Variants in DMD observed in about 807,000 individuals in gnomAD.
The protein encoded by DMD is dystrophin.
A neutral mutation model predicts 330.1 loss-of-function variants in DMD; 63 were observed. The ratio of observed to expected loss-of-function variants is 0.19; its 90% CI spans 0.16 to 0.24. The LOEUF (loss-of-function observed/expected upper bound fraction) is 0.24. Ranked by LOEUF, DMD falls within the 10% of genes least tolerant of loss-of-function variation. The probability of loss-of-function intolerance (pLI) is 1.00; values close to 1 mark genes in which losing one functional copy is unlikely to be tolerated. For missense variants in DMD, 3,344 were observed against 2,684.1 expected (o/e 1.25, Z -5.43); for synonymous variants, 1,223 against 959.8 (o/e 1.27, Z -5.07).
At chrX:31,622,281 G>A (rs777866297) in intron 55 of DMD, among the ~76,000 whole-genome samples, 2 of 110,192 alleles carry the variant, frequency 1.8e-5, no homozygotes, top group African/African-American at 6.6e-5. Flanking sequence ...AAGTGATCCA[G>A]TATTTCCACA....
intron 12 of DMD, among the ~76,000 whole-genome samples, chrX:32,600,149 G>A (rs1293230948): frequency 8.1e-5 from 9 of 111,518 alleles, no homozygotes; most frequent in Non-Finnish European, 1.7e-4. Flanking sequence ...AATTCTTCTG[G>A]CTCTTGTCCA....
intron 60 of DMD, among the ~76,000 whole-genome samples, chrX:31,394,067 G>A (rs2060806248): frequency 8.9e-6 from 1 of 112,404 alleles, no homozygotes; most frequent in South Asian, 3.6e-4. Context: ...TTATTCTAAA[G>A]CTATGTCAAT....
chrX:33,044,388 C>A (rs762428831), intron 1 of DMD, among the ~76,000 whole-genome samples: 149 of 111,509 alleles, frequency 1.3e-3, no homozygotes, highest in African/African-American at 4.7e-3. Flanking sequence ...GCTGAGATCG[C>A]ACCACTGTAC....
intron 44 of DMD, among the ~76,000 whole-genome samples, chrX:31,980,360 A>C (rs1354675155): frequency 8.9e-6 from 1 of 112,303 alleles, no homozygotes; most frequent in Non-Finnish European, 1.9e-5. Context: ...TTAATCATCA[A>C]TAAAGGAATG....
rs964440210 is a variant in DMD, at chrX:31,244,838, T to C, written c.9286+16117A>G. ...ACTTCACCTTCTAAAATTTCTAGAA[T>C]GAACATCCATGTTTTAATGTTCAAT... On this transcript the variant is annotated intron_variant, in intron 63 of 78. Transcript: ENST00000357033. 2.7e-5 allele frequency among the ~76,000 whole-genome samples: 3 copies of C among 112,123 alleles called. No homozygotes were observed. The East Asian group carries it at 8.3e-4, about 31-fold the overall frequency.
intron 47 of DMD, among the ~76,000 whole-genome samples, chrX:31,880,752 C>T (rs3958510): frequency 8.9e-6 from 1 of 112,310 alleles, no homozygotes; most frequent in Non-Finnish European, 1.9e-5. Flanking sequence ...CAATGAATTA[C>T]TCTCACGTTT....
chrX:31,609,661 T>C (rs377379372), intron 55 of DMD, among the ~76,000 whole-genome samples: 175 of 112,183 alleles, frequency 1.6e-3, no homozygotes, highest in African/African-American at 5.3e-3. Flanking sequence ...CTTAAAAACC[T>C]GCTCAGAGGG....
intron 2 of DMD, among the ~76,000 whole-genome samples, chrX:32,892,802 G>A (rs1256811230): frequency 3.6e-5 from 4 of 111,858 alleles, no homozygotes; most frequent in African/African-American, 9.7e-5. Flanking sequence ...AGGCCTACAC[G>A]CTTGGCACAT....
chrX:31,706,722 T>C (rs1056130863), intron 52 of DMD, among the ~76,000 whole-genome samples: 5 of 112,397 alleles, frequency 4.4e-5, no homozygotes, highest in African/African-American at 1.6e-4. Flanking sequence ...ATGATAAGAA[T>C]GCTCCTATGG....
At chrX:31,760,813 G>A (rs949372684) in intron 51 of DMD, among the ~76,000 whole-genome samples, 2 of 110,232 alleles carry the variant, frequency 1.8e-5, no homozygotes, top group Non-Finnish European at 3.8e-5. Context: ...TTGCATGTAC[G>A]ATAATAACAG....
At chrX:31,325,815 G>A (rs1483376590) in intron 61 of DMD, among the ~76,000 whole-genome samples, 1 of 111,690 alleles carries the variant, frequency 9.0e-6, no homozygotes, top group Non-Finnish European at 1.9e-5. Flanking sequence ...GAACTCCAGA[G>A]AGCTCTTGGT....
chrX:31,422,099 G>A (rs906749468), intron 60 of DMD, among the ~76,000 whole-genome samples: 1 of 100,862 alleles, frequency 9.9e-6, no homozygotes, highest in Non-Finnish European at 2.0e-5. Flanking sequence ...CCCAGGCTCC[G>A]GGTTCAAGCA....
At chrX:31,373,348 G>A (rs1225276153) in intron 60 of DMD, among the ~76,000 whole-genome samples, 1 of 99,337 alleles carries the variant, frequency 1.0e-5, no homozygotes, top group African/African-American at 3.5e-5. Flanking sequence ...CCAAAAAAGA[G>A]CCCGCATCGC....
intron 16 of DMD, among the ~76,000 whole-genome samples, chrX:32,545,542 A>G (rs989423891): frequency 5.4e-5 from 6 of 112,086 alleles, no homozygotes. Flanking sequence ...AAGTAATCTC[A>G]ACATCGAAAG....
At chrX:32,191,464 T>C (rs922864368) in intron 44 of DMD, among the ~76,000 whole-genome samples, 1 of 111,954 alleles carries the variant, frequency 8.9e-6, no homozygotes, top group East Asian at 2.8e-4. Context: ...ACAGCGAGAA[T>C]AAGGGGATAA....
intron 47 of DMD, among the ~76,000 whole-genome samples, chrX:31,907,439 C>T (rs1214296377): frequency 9.0e-6 from 1 of 111,388 alleles, no homozygotes; most frequent in Admixed American, 9.6e-5. Flanking sequence ...CTTTGACAAA[C>T]CTGACAAAAA....
In DMD at chrX:32,722,797, T is replaced by A. The variant is rs772184468; in HGVS notation, c.650-23504A>T. Among the ~76,000 whole-genome samples the A allele has an allele frequency of 1.1e-3, 121 of 111,560 alleles. 1 individual carries two copies. The highest frequency in any genetic ancestry group is 2.0e-3 in the Non-Finnish European group (104 of 52,900). On this transcript the variant is annotated intron_variant, in intron 7 of 78. Coordinates refer to ENST00000357033, the MANE Select transcript of DMD (RefSeq NM_004006.3). ...GTTGATTTTGTATTCCACTACTTAC[T>A]GAACTCATTTATTAGTTCTAACATT...
At position 32,448,576 on chromosome X, in the gene DMD, A is replaced by G. The variant is rs373281760; in HGVS notation, c.3666T>C (p.Asn1222=). ...CAGGTGGAGCTTGAGCTATGACACTATTTACAGACTCAGTAAGGAGTTTCA... is the reference window on the plus strand; with the variant it reads ...CAGGTGGAGCTTGAGCTATGACACTGTTTACAGACTCAGTAAGGAGTTTCA... ...AKVKLLTESV[N]SVIAQAPPVA... Residue 1222 remains asparagine, a synonymous_variant, in exon 27 of 79, where the codon AAT becomes AAC. Transcript: ENST00000357033. 3.7e-5 allele frequency: 45 copies of G among 1,206,751 alleles called. No homozygotes were observed. The African/African-American group carries it at 7.4e-4, about 20-fold the overall frequency.
chrX:32,780,944 T>TA (rs1308159398), intron 7 of DMD, among the ~76,000 whole-genome samples: 45 of 100,279 alleles, frequency 4.5e-4, no homozygotes, highest in African/African-American at 6.4e-4. Flanking sequence ...AAAAAAAAAA[T>TA]AAAAAAAAAT....
Sources: allele counts gnomAD v4.1 joint callset (sites outside exome capture counted in the v4.1 genomes callset), GRCh38; gene constraint gnomAD v4.1.1; transcripts MANE v1.5; gene names NCBI Gene and HGNC (gene_info 2026-07-23, HGNC 2026-07-21).